The following KANSL3 variants were observed in gnomAD, a reference collection of about 807,000 sequenced individuals.
KANSL3 encodes KAT8 regulatory NSL complex subunit 3.
Under a neutral mutation model 89.2 loss-of-function variants are expected in KANSL3, and 16 were observed. That is an observed-to-expected ratio of 0.18 (90% CI 0.12 to 0.27). KANSL3 has a LOEUF of 0.27. Among genes scored for constraint, KANSL3 ranks in the 10% least tolerant of loss-of-function variants. KANSL3 has a pLI of 1.00. For missense variants in KANSL3, 879 were observed against 1,110.6 expected (o/e 0.79, Z 2.96); for synonymous variants, 385 against 419.7 (o/e 0.92, Z 1.01).
chr2:96,605,190 C>G, intron 15 of KANSL3, 130 bp downstream of exon 15: 1 of 794,812 alleles, frequency 1.3e-6, no homozygotes, highest in East Asian at 2.7e-5. Flanking sequence ...TGTACAGACT[C>G]ATGTCTTCTT....
intron 20 of KANSL3, chr2:96,598,066 G>A (rs1028775012): frequency 2.0e-6 from 2 of 984,224 alleles, no homozygotes; most frequent in Non-Finnish European, 2.4e-6. Flanking sequence ...GCCATGGCAA[G>A]CTGAGACGGA....
At chr2:96,600,897 T>C (rs1440255842) in intron 20 of KANSL3, 5 of 985,220 alleles carry the variant, frequency 5.1e-6, no homozygotes, top group Non-Finnish European at 6.0e-6. Context: ...GAAAGAGTAT[T>C]ATACTTGGGG....
In KANSL3 at chr2:96,622,757, C is replaced by T. The variant is rs1423307433; in HGVS notation, c.387-2995G>A. 4.6e-5 allele frequency among the ~76,000 whole-genome samples: 7 copies of T among 152,298 alleles called. No individual in the cohort carries two copies. The East Asian group carries it at 5.8e-4, about 13-fold the overall frequency. ...TGATCCTCACTTACTTCAGTCACGC[C>T]GCCTTCCCTCACAGCACCCTCTACT... On this transcript the variant is annotated intron_variant, in intron 3 of 20. Coordinates refer to ENST00000431828, the MANE Select transcript of KANSL3 (RefSeq NM_001115016.3).
intron 3 of KANSL3, among the ~76,000 whole-genome samples, chr2:96,623,517 T>A (rs901864853): frequency 6.6e-6 from 1 of 152,196 alleles, no homozygotes. Flanking sequence ...TGTACAACTA[T>A]CTAAATGTCC....
chr2:96,592,655 C>G (rs543137987), downstream of KANSL3, among the ~76,000 whole-genome samples: 1 of 152,332 alleles, frequency 6.6e-6, no homozygotes, highest in Non-Finnish European at 1.5e-5. Flanking sequence ...TCCAGTACTG[C>G]TTCTGCCATT....
intron 14 of KANSL3, among the ~76,000 whole-genome samples, chr2:96,607,763 C>G (rs1045454709): frequency 6.6e-6 from 1 of 152,198 alleles, no homozygotes; most frequent in African/African-American, 2.4e-5. Context: ...ATCCCCTCCA[C>G]GTCTGTCTGC....
At chr2:96,585,784 A>G in the KANSL3 span, among the ~76,000 whole-genome samples, 18 of 152,344 alleles carry the variant, frequency 1.2e-4, no homozygotes, top group African/African-American at 4.1e-4. Context: ...ATTCAGCCAT[A>G]AAAAGAAACA....
At chr2:96,608,780 G>C in intron 13 of KANSL3, 84 bp downstream of exon 13, 1 of 1,531,648 alleles carries the variant, frequency 6.5e-7, no homozygotes, top group East Asian at 2.3e-5. Context: ...GCACTAATAA[G>C]ACAGAGGCAT....
At chr2:96,632,340 G>A (rs755824780) in intron 2 of KANSL3, among the ~76,000 whole-genome samples, 8 of 151,810 alleles carry the variant, frequency 5.3e-5, no homozygotes, top group Non-Finnish European at 1.2e-4. Flanking sequence ...GGTGGTATGC[G>A]CCTGCAGTCC....
At chr2:96,587,193 C>A in the KANSL3 span, among the ~76,000 whole-genome samples, 2 of 152,124 alleles carry the variant, frequency 1.3e-5, no homozygotes, top group Non-Finnish European at 2.9e-5. Context: ...AGCTCCCAAC[C>A]CCCACTCTTC....
At chr2:96,601,417 C>T in intron 20 of KANSL3, 1 of 985,348 alleles carries the variant, frequency 1.0e-6, no homozygotes, top group Non-Finnish European at 1.2e-6. Flanking sequence ...CCCACTTGAA[C>T]ATATGTACTC....
chr2:96,608,590 C>T lies in KANSL3; in HGVS notation c.1659G>A (p.Lys553=). 2 of 1,614,024 alleles carry T rather than the reference C, an allele frequency of 1.2e-6. No homozygotes were observed. The highest frequency in any genetic ancestry group is 2.2e-5 in the South Asian group (2 of 91,076). ...GCTGAGAACTTCCAATCTGACTGGA[C>T]TTCTGGGCAGAGGTCACTGTGGTCA... is the stretch of plus-strand genomic sequence containing the variant. The part of the protein sequence containing the change: ...TKVTTVTSAQ[K]SSQIGSSQLL... Residue 553 remains lysine (K), a synonymous_variant, in exon 14 of 21, where the codon AAG becomes AAA. Coordinates refer to ENST00000431828, the MANE Select transcript of KANSL3 (RefSeq NM_001115016.3).
At chr2:96,615,991 T>G (rs1430283831) in intron 5 of KANSL3, among the ~76,000 whole-genome samples, 1 of 152,144 alleles carries the variant, frequency 6.6e-6, no homozygotes, top group Non-Finnish European at 1.5e-5. Flanking sequence ...AGATACAGCA[T>G]GTGAAATGAG....
the KANSL3 span, among the ~76,000 whole-genome samples, chr2:96,585,835 C>T: frequency 6.6e-6 from 1 of 152,124 alleles, no homozygotes; most frequent in African/African-American, 2.4e-5. Context: ...AGCTGAAGAC[C>T]ATTATTTTAA....
At chr2:96,619,632 C>T (rs1246822759) in intron 4 of KANSL3, 40 bp downstream of exon 4, 9 of 1,594,750 alleles carry the variant, frequency 5.6e-6, no homozygotes, top group Non-Finnish European at 6.8e-6. Flanking sequence ...GAGGCCTGAA[C>T]TACGAAGAGC....
chr2:96,629,628 A>G (rs1206535572), intron 3 of KANSL3, among the ~76,000 whole-genome samples: 1 of 152,184 alleles, frequency 6.6e-6, no homozygotes, highest in East Asian at 1.9e-4. Context: ...TTAAGGCACT[A>G]AATTAATTCC....
intron 12 of KANSL3, 94 bp from the exon 13 acceptor site, chr2:96,609,158 A>G: frequency 8.7e-7 from 1 of 1,150,048 alleles, no homozygotes; most frequent in South Asian, 1.4e-5. Context: ...ATTCTCCCTC[A>G]GCTCTGGCAT....
intron 14 of KANSL3, chr2:96,605,741 C>G (rs775639217): frequency 9.3e-5 from 32 of 343,768 alleles, no homozygotes; most frequent in South Asian, 3.9e-4. Context: ...GCACCCTTCT[C>G]ATCCCTCATC....
At chr2:96,613,028 T>C (rs1294070512) in intron 6 of KANSL3, 94 bp from the exon 7 acceptor site, 2 of 782,056 alleles carry the variant, frequency 2.6e-6, no homozygotes, top group Middle Eastern at 2.3e-4. Flanking sequence ...TCCCAACCAA[T>C]GCTCCTTTGC....
Sources: allele counts gnomAD v4.1 joint callset (sites outside exome capture counted in the v4.1 genomes callset), GRCh38; gene constraint gnomAD v4.1.1; transcripts MANE v1.5; gene names NCBI Gene and HGNC (gene_info 2026-07-23, HGNC 2026-07-21).